FREM2: variants seen among roughly 807,000 people sequenced by gnomAD.
FREM2 encodes the protein FRAS1-related extracellular matrix protein 2.
A neutral mutation model predicts 219.9 loss-of-function variants in FREM2; 119 were observed. The ratio of observed to expected loss-of-function variants is 0.54; its 90% CI spans 0.47 to 0.63. The LOEUF (loss-of-function observed/expected upper bound fraction) is 0.63, where lower values mean the gene tolerates loss of function less well. Among genes scored for constraint, FREM2 ranks in the 30% least tolerant of loss-of-function variants. The probability of loss-of-function intolerance (pLI) is 0.00; values close to 1 mark genes in which losing one functional copy is unlikely to be tolerated. For missense variants in FREM2, 4,030 were observed against 3,993.6 expected (o/e 1.01, Z -0.25); for synonymous variants, 1,562 against 1,522.8 (o/e 1.03, Z -0.60).
At chr13:38,717,823 T>A (rs1309549085) in intron 2 of FREM2, among the ~76,000 whole-genome samples, 1 of 152,214 alleles carries the variant, frequency 6.6e-6, no homozygotes, top group African/African-American at 2.4e-5. Flanking sequence ...ACCTTTCAGA[T>A]ATAGATGGTG....
chr13:38,779,606 T>C (rs1874036320), intron 4 of FREM2: 1 of 152,106 alleles, frequency 6.6e-6, no homozygotes, highest in Non-Finnish European at 1.5e-5. Flanking sequence ...GCAAAGACAT[T>C]TCTCTCCATG....
At chr13:38,848,186 A>C (rs1877233815) in intron 7 of FREM2, among the ~76,000 whole-genome samples, 1 of 152,316 alleles carries the variant, frequency 6.6e-6, no homozygotes, top group Non-Finnish European at 1.5e-5. Context: ...TTTCAAACTA[A>C]AGTTAGAGGA....
At chr13:38,834,843 C>G (rs1407541247) in intron 6 of FREM2, among the ~76,000 whole-genome samples, 1 of 152,076 alleles carries the variant, frequency 6.6e-6, no homozygotes, top group Non-Finnish European at 1.5e-5. Flanking sequence ...AGATTCTGGA[C>G]ACTAGCCCTT....
At chr13:38,837,775 G>GTTTTTTTTTTTTTTTTTTTTTTTT (rs1555270912) in intron 6 of FREM2, among the ~76,000 whole-genome samples, 6 of 128,834 alleles carry the variant, frequency 4.7e-5, no homozygotes, top group Admixed American at 1.7e-4. Flanking sequence ...GTTTTTTTTT[G>GTTTTTTTTTTTTTTTTTTTTTTTT]TTTTGTTTTG....
At chr13:38,824,378 A>G (rs1242199734) in intron 6 of FREM2, among the ~76,000 whole-genome samples, 1 of 152,116 alleles carries the variant, frequency 6.6e-6, no homozygotes, top group African/African-American at 2.4e-5. Flanking sequence ...CAATTTCCTC[A>G]TAACGTAACA....
Position 38,861,569 on chromosome 13 carries a change from G to T in FREM2, c.7651+7G>T. 6.2e-7 allele frequency: 1 copy of T among 1,613,970 alleles called. No homozygotes were observed. The highest frequency in any genetic ancestry group is 1.1e-5 in the South Asian group (1 of 91,046). On this transcript the variant is annotated splice_region_variant and intron_variant, in intron 15 of 23. Coordinates refer to ENST00000280481, the MANE Select transcript of FREM2 (RefSeq NM_207361.6). Reference sequence around the variant, plus strand: ...ACAATGCCACACATAGATGGTAGGTGACTTGGGTAAGCAAATCCATGGAAT... The same window carrying T: ...ACAATGCCACACATAGATGGTAGGTTACTTGGGTAAGCAAATCCATGGAAT...
rs556499113 is a variant in FREM2 at position 38,750,804 on chromosome 13, C to T, written c.5264-13500C>T. Among the ~76,000 whole-genome samples, 8 of 152,244 alleles carry T rather than the reference C, an allele frequency of 5.3e-5. No individual in the cohort carries two copies. In the East Asian group the frequency reaches 1.5e-3, roughly 29 times the overall value. ...TGCCTCTGGGGTTCAAGCGGTTCTC[C>T]TGCTCAGCCTCCCAAGTAGCTGGTA... On this transcript the variant is annotated intron_variant, in intron 2 of 23. Transcript: ENST00000280481.
In FREM2 at chr13:38,762,214, G is replaced by T. The variant is rs925816979; in HGVS notation, c.5264-2090G>T. On this transcript the variant is annotated intron_variant, in intron 2 of 23. Transcript: ENST00000280481. ...CTGACTCTCCAGAAAAGGAAACAGA[G>T]ATCCAGAGAAGTAACTTGGTCAGAG... Among the ~76,000 whole-genome samples, 4 of 152,146 alleles carry T rather than the reference G, an allele frequency of 2.6e-5. 1 individual carries two copies. The highest frequency in any genetic ancestry group is 5.9e-5 in the Non-Finnish European group (4 of 68,038).
rs117043823 is a variant in FREM2 at position 38,734,147 on chromosome 13, G to A, written c.5264-30157G>A. Among the ~76,000 whole-genome samples, 364 of 151,458 alleles carry A rather than the reference G, an allele frequency of 2.4e-3. 12 individuals carry two copies. The East Asian group carries it at 0.068, about 28-fold the overall frequency. On this transcript the variant is annotated intron_variant, in intron 2 of 23. Transcript: ENST00000280481. ...GGTAAAATGAACCAGTCTTAAAGAG[G>A]CTTTGATTTGCACACACACAAAAAA...
At chr13:38,820,558 C>G (rs1287453093) in intron 6 of FREM2, among the ~76,000 whole-genome samples, 3 of 151,974 alleles carry the variant, frequency 2.0e-5, no homozygotes, top group Non-Finnish European at 4.4e-5. Context: ...AAATTTAAAA[C>G]TATTAAAATG....
intron 16 of FREM2, among the ~76,000 whole-genome samples, chr13:38,870,995 C>T (rs947372022): frequency 6.6e-6 from 1 of 152,092 alleles, no homozygotes; most frequent in Non-Finnish European, 1.5e-5. Context: ...GGACTAGTGG[C>T]ATATGGGTTG....
At chr13:38,828,487 C>A (rs1188768135) in intron 6 of FREM2, among the ~76,000 whole-genome samples, 1 of 152,020 alleles carries the variant, frequency 6.6e-6, no homozygotes, top group Non-Finnish European at 1.5e-5. Flanking sequence ...GTAGGAGGAT[C>A]ACTTGAGGCC....
intron 16 of FREM2, 56 bp from the exon 17 acceptor site, chr13:38,872,686 T>C (rs1294948627): frequency 4.8e-6 from 7 of 1,457,264 alleles, no homozygotes; most frequent in Non-Finnish European, 5.8e-6. Flanking sequence ...TGTACAAAAT[T>C]AGGCCCACTT....
intron 6 of FREM2, among the ~76,000 whole-genome samples, chr13:38,822,347 CTTTTTTT>C (rs951562767): frequency 2.0e-5 from 2 of 100,042 alleles, no homozygotes; most frequent in Admixed American, 1.1e-4. Flanking sequence ...TTCTTTCTTT[CTTTTTTT>C]TTTTTTTTTT....
chr13:38,758,303 T>C (rs1022041964), intron 2 of FREM2, among the ~76,000 whole-genome samples: 2 of 152,224 alleles, frequency 1.3e-5, no homozygotes, highest in African/African-American at 2.4e-5. Context: ...TCTCTTCTTA[T>C]ACCTAATCTT....
intron 6 of FREM2, among the ~76,000 whole-genome samples, chr13:38,814,603 C>T (rs889526954): frequency 1.3e-5 from 2 of 152,140 alleles, no homozygotes; most frequent in African/African-American, 2.4e-5. Flanking sequence ...TGAGTCACAC[C>T]TGAAGCCTGT....
At chr13:38,877,619 A>G (rs570768131) in intron 21 of FREM2, among the ~76,000 whole-genome samples, 7 of 152,160 alleles carry the variant, frequency 4.6e-5, no homozygotes, top group Non-Finnish European at 8.8e-5. Flanking sequence ...AGCACCCAGC[A>G]CACATACCTA....
chr13:38,710,161 G>A (rs1436041265), intron 2 of FREM2, among the ~76,000 whole-genome samples: 1 of 151,928 alleles, frequency 6.6e-6, no homozygotes, highest in African/African-American at 2.4e-5. Flanking sequence ...TCCAGCCTGG[G>A]TGACAGAGTG....
intron 6 of FREM2, among the ~76,000 whole-genome samples, chr13:38,795,335 T>C (rs1044586975): frequency 6.6e-6 from 1 of 151,456 alleles, no homozygotes; most frequent in African/African-American, 2.4e-5. Context: ...TATTTTTTTT[T>C]TTCTGATTGC....
Sources: allele counts gnomAD v4.1 joint callset (sites outside exome capture counted in the v4.1 genomes callset), GRCh38; gene constraint gnomAD v4.1.1; transcripts MANE v1.5; gene names NCBI Gene and HGNC (gene_info 2026-07-23, HGNC 2026-07-21).